ARMC7: variants seen among roughly 807,000 people sequenced by gnomAD.
ARMC7 encodes the protein armadillo repeat containing 7.
In ARMC7, 9 loss-of-function variants were observed where a neutral mutation model predicts 14.8. That is an observed-to-expected ratio of 0.61 (90% CI 0.37 to 1.06). ARMC7 has a LOEUF of 1.06. Ranked by LOEUF, ARMC7 falls within the 50% of genes least tolerant of loss-of-function variation. The probability of loss-of-function intolerance (pLI) is 0.01; values close to 1 mark genes in which losing one functional copy is unlikely to be tolerated. For synonymous variants in ARMC7, 125 were observed against 123.4 expected (o/e 1.01, Z -0.09); for missense variants, 262 against 267.1 (o/e 0.98, Z 0.13).
intron 2 of ARMC7, chr17:75,114,741 G>T: frequency 2.5e-6 from 1 of 396,562 alleles, no homozygotes; most frequent in Non-Finnish European, 4.4e-6. Context: ...AGACCCCCCC[G>T]CCCCAAGCAC....
chr17:75,125,710 G>A (rs2074046838), intron 2 of ARMC7, among the ~76,000 whole-genome samples: 1 of 152,158 alleles, frequency 6.6e-6, no homozygotes, highest in African/African-American at 2.4e-5. Context: ...AGGTGTGGTG[G>A]CATGTACCTG....
chr17:75,117,334 C>A (rs1291102817), intron 2 of ARMC7, among the ~76,000 whole-genome samples: 1 of 152,202 alleles, frequency 6.6e-6, no homozygotes, highest in Non-Finnish European at 1.5e-5. Context: ...GCCTCGGCCT[C>A]CCAAAGTGCT....
In ARMC7 at chr17:75,118,547, T is replaced by C. The variant is rs2073989072; in HGVS notation, c.235+7941T>C. ...GCACCGCCACAGCCATGAGGAAGGATCCGGCTACAGCGACCGCGGAGAACA... is the reference window on the plus strand; with the variant it reads ...GCACCGCCACAGCCATGAGGAAGGACCCGGCTACAGCGACCGCGGAGAACA... On this transcript the variant is annotated intron_variant, in intron 2 of 2. Coordinates refer to ENST00000245543, the MANE Select transcript of ARMC7 (RefSeq NM_024585.4). 2.6e-5 allele frequency among the ~76,000 whole-genome samples: 4 copies of C among 152,342 alleles called. No individual in the cohort carries two copies. The South Asian group carries it at 8.3e-4, about 32-fold the overall frequency.
intron 2 of ARMC7, among the ~76,000 whole-genome samples, chr17:75,127,781 G>A (rs548469855): frequency 3.3e-5 from 5 of 152,300 alleles, no homozygotes; most frequent in South Asian, 2.1e-4. Flanking sequence ...TTTTGGTAGC[G>A]ACAGAGTTTT....
At chr17:75,121,375 C>T (rs1269550087) in intron 2 of ARMC7, among the ~76,000 whole-genome samples, 1 of 152,160 alleles carries the variant, frequency 6.6e-6, no homozygotes, top group Non-Finnish European at 1.5e-5. Flanking sequence ...CCAGGTTATG[C>T]TATATGCTCC....
chr17:75,122,486 C>A (rs1188791648), intron 2 of ARMC7, among the ~76,000 whole-genome samples: 3 of 151,664 alleles, frequency 2.0e-5, no homozygotes, highest in Non-Finnish European at 4.4e-5. Flanking sequence ...CTCAGCTTCT[C>A]GAGTAGCTGG....
intron 2 of ARMC7, among the ~76,000 whole-genome samples, chr17:75,110,953 CAAAAAAAAAAA>C (rs537195116): frequency 1.4e-3 from 69 of 49,816 alleles, no homozygotes; most frequent in Non-Finnish European, 2.5e-3. Context: ...GACCCCGTCT[CAAAAAAAAAAA>C]AAAAAAAAAA....
At chr17:75,111,813 C>T (rs989949399) in intron 2 of ARMC7, among the ~76,000 whole-genome samples, 2 of 151,458 alleles carry the variant, frequency 1.3e-5, no homozygotes, top group Admixed American at 6.6e-5. Context: ...TAACTTATGG[C>T]TTCTGTAGTT....
intron 2 of ARMC7, among the ~76,000 whole-genome samples, chr17:75,124,824 T>G (rs2074039630): frequency 6.6e-6 from 1 of 152,216 alleles, no homozygotes; most frequent in African/African-American, 2.4e-5. Flanking sequence ...GGGGGTGATG[T>G]TAGCACTTGT....
chr17:75,124,022 C>A (rs979279519), intron 2 of ARMC7, among the ~76,000 whole-genome samples: 4 of 152,162 alleles, frequency 2.6e-5, no homozygotes, highest in Non-Finnish European at 5.9e-5. Context: ...GCTCTTTTTC[C>A]ATGGCCCTTC....
Position 75,130,016 on chromosome 17 carries a change from G to A in ARMC7, c.*978G>A, listed in dbSNP as rs544196258. ...GATCCGATGGAAAGGTGGAGCTCAG[G>A]GAAAATGGGGGTCCTTGCCTCTCGT... On this transcript the variant is annotated 3_prime_UTR_variant, in exon 3 of 3. Coordinates refer to ENST00000245543, the MANE Select transcript of ARMC7 (RefSeq NM_024585.4). The A allele has an allele frequency of 1.9e-5, 3 of 157,988 alleles. No individual in the cohort carries two copies. The South Asian group carries it at 5.2e-4, about 27-fold the overall frequency. 9.8% of individuals were successfully genotyped at this position (157,988 alleles called of 1,614,324 possible).
intron 2 of ARMC7, among the ~76,000 whole-genome samples, chr17:75,116,115 G>A (rs531133093): frequency 6.6e-6 from 1 of 152,328 alleles, no homozygotes; most frequent in African/African-American, 2.4e-5. Context: ...AGGGTGCCCA[G>A]GCAATGTCAG....
rs1281555360 is a variant in ARMC7, at chr17:75,128,908, T to A, written c.467T>A (p.Leu156His). 6.2e-7 allele frequency: 1 copy of A among 1,610,058 alleles called. No individual in the cohort carries two copies. The highest frequency in any genetic ancestry group is 2.2e-5 in the East Asian group (1 of 44,862). ...TTCTCCCTCTCGGCCAGCGCCAGGC[T>A]CCGGAACCTGGCACAGATCTTCCTG... ...LRFSLSASAR[L>H]RNLAQIFLED... Residue 156 changes from leucine (L) to histidine (H), a missense_variant, in exon 3 of 3, where the codon CTC becomes CAC. By Grantham distance (99) the Leu-to-His change is moderately conservative. Coordinates refer to ENST00000245543, the MANE Select transcript of ARMC7 (RefSeq NM_024585.4).
chr17:75,110,908 G>A (rs1256419727), intron 2 of ARMC7, among the ~76,000 whole-genome samples: 1 of 145,642 alleles, frequency 6.9e-6, no homozygotes, highest in Non-Finnish European at 1.5e-5. Context: ...AGCTGAGATC[G>A]TGCCACTGCA....
rs536732878 is a variant in ARMC7 at position 75,111,103 on chromosome 17, C to T, written c.235+497C>T. On this transcript the variant is annotated intron_variant, in intron 2 of 2. Transcript: ENST00000245543. Reference sequence around the variant, plus strand: ...TTGTGCTACTGCACTCCAGCCTGGGCGACAGAGTGAGACCATGTCTCAAAA... The same window carrying T: ...TTGTGCTACTGCACTCCAGCCTGGGTGACAGAGTGAGACCATGTCTCAAAA... Among the ~76,000 whole-genome samples the T allele has an allele frequency of 1.8e-3, 279 of 151,634 alleles. 1 individual carries two copies. Among genetic ancestry groups the T allele is most frequent in the Non-Finnish European group, 3.3e-3 (225 of 67,908 alleles).
At chr17:75,121,523 C>T (rs1226224609) in intron 2 of ARMC7, among the ~76,000 whole-genome samples, 1 of 152,172 alleles carries the variant, frequency 6.6e-6, no homozygotes, top group African/African-American at 2.4e-5. Flanking sequence ...AAGCAATTCT[C>T]CCACCTCAGC....
Position 75,114,216 on chromosome 17 carries a change from T to C in ARMC7, c.235+3610T>C, listed in dbSNP as rs994154077. The C allele has an allele frequency of 2.0e-5, 8 of 401,132 alleles. No individual in the cohort carries two copies. The Admixed American group carries it at 3.1e-4, about 15-fold the overall frequency. 24.8% of individuals were successfully genotyped at this position (401,132 alleles called of 1,614,324 possible). On this transcript the variant is annotated intron_variant, in intron 2 of 2. Coordinates refer to ENST00000245543, the MANE Select transcript of ARMC7 (RefSeq NM_024585.4). ...GGTGGCCCCTGCAGAAGCATGTGGC[T>C]AAATCTCCACCAGGGGGCGATAGAG... is the stretch of plus-strand genomic sequence containing the variant.
chr17:75,114,933 G>A (rs957319803), intron 2 of ARMC7: 4 of 382,530 alleles, frequency 1.0e-5, no homozygotes, highest in Non-Finnish European at 4.6e-6. Context: ...GGGGATCCCC[G>A]ACAGGCACTT....
At position 75,129,739 on chromosome 17, in the gene ARMC7, GTGA is replaced by G. The variant is rs2074087154; in HGVS notation, c.*706_*708del. ...GGGCATCAAGCACAAGGCCATGCAGGTGATGATACGTCGGAATAGAGGCACCAG... is the reference window on the plus strand; with the variant it reads ...GGGCATCAAGCACAAGGCCATGCAGGTGATACGTCGGAATAGAGGCACCAG... On this transcript the variant is annotated 3_prime_UTR_variant, in exon 3 of 3. Coordinates refer to ENST00000245543, the MANE Select transcript of ARMC7 (RefSeq NM_024585.4). 6.6e-6 allele frequency: 1 copy of G among 152,538 alleles called. No individual in the cohort carries two copies. The highest frequency in any genetic ancestry group is 2.1e-4 in the South Asian group (1 of 4,838). The allele number at this position is 152,538 out of a possible 1,614,324, so 9.4% of individuals were successfully genotyped here.
Sources: allele counts gnomAD v4.1 joint callset (sites outside exome capture counted in the v4.1 genomes callset), GRCh38; gene constraint gnomAD v4.1.1; transcripts MANE v1.5; gene names NCBI Gene and HGNC (gene_info 2026-07-23, HGNC 2026-07-21).